NCKAP5: variants seen among roughly 807,000 people sequenced by gnomAD.
NCKAP5 encodes NCK associated protein 5.
Under a neutral mutation model 167.0 loss-of-function variants are expected in NCKAP5, and 92 were observed. The ratio of observed to expected loss-of-function variants is 0.55; its 90% CI spans 0.47 to 0.66. NCKAP5 has a LOEUF of 0.66. Ranked by LOEUF, NCKAP5 falls within the 30% of genes least tolerant of loss-of-function variation. The pLI is 0.00. For missense variants in NCKAP5, 2,378 were observed against 2,315.0 expected (o/e 1.03, Z -0.56); for synonymous variants, 891 against 877.4 (o/e 1.02, Z -0.27).
chr2:133,542,658 T>C (rs551403588), intron 2 of NCKAP5, among the ~76,000 whole-genome samples: 20 of 152,330 alleles, frequency 1.3e-4, no homozygotes, highest in Admixed American at 3.3e-4. Flanking sequence ...TGACATCTTT[T>C]ACACTGTGAT....
intron 6 of NCKAP5, among the ~76,000 whole-genome samples, chr2:133,106,662 A>G (rs1340873573): frequency 1.3e-5 from 2 of 152,204 alleles, no homozygotes; most frequent in Non-Finnish European, 1.5e-5. Flanking sequence ...GGAAGTGGTG[A>G]GGCAGAACTT....
At chr2:133,187,006 T>C (rs1053493800) in intron 5 of NCKAP5, among the ~76,000 whole-genome samples, 2 of 151,912 alleles carry the variant, frequency 1.3e-5, no homozygotes, top group Admixed American at 6.6e-5. Context: ...GCTTCGGGTT[T>C]GGTTTGTTCC....
chr2:133,398,243 C>A (rs1574879104), intron 3 of NCKAP5, among the ~76,000 whole-genome samples: 1 of 152,110 alleles, frequency 6.6e-6, no homozygotes, highest in East Asian at 1.9e-4. Flanking sequence ...ATAGGAGAAA[C>A]AAGAGATATG....
At chr2:133,304,492 A>G (rs1281698568) in intron 3 of NCKAP5, among the ~76,000 whole-genome samples, 1 of 152,258 alleles carries the variant, frequency 6.6e-6, no homozygotes, top group African/African-American at 2.4e-5. Context: ...ACCACTGGGA[A>G]TGTTAAAAAC....
intron 3 of NCKAP5, among the ~76,000 whole-genome samples, chr2:133,494,739 C>G (rs1251698150): frequency 6.6e-6 from 1 of 152,144 alleles, no homozygotes; most frequent in African/African-American, 2.4e-5. Context: ...ACACCCAGTT[C>G]CAGCCTAGCT....
At chr2:133,383,410 C>T (rs1292355314) in intron 3 of NCKAP5, among the ~76,000 whole-genome samples, 2 of 152,188 alleles carry the variant, frequency 1.3e-5, no homozygotes, top group Admixed American at 6.5e-5. Context: ...CTTTTTATGA[C>T]TGCATAGTAT....
chr2:133,146,420 A>G (rs1049988360), intron 5 of NCKAP5, among the ~76,000 whole-genome samples: 1 of 152,110 alleles, frequency 6.6e-6, no homozygotes, highest in Admixed American at 6.6e-5. Context: ...ATCAATTTTA[A>G]AAAGCACTAC....
rs569155595 is a variant in NCKAP5, at chr2:133,015,896, T to C, written c.342-21657A>G. Among the ~76,000 whole-genome samples the C allele has an allele frequency of 2.6e-5, 4 of 152,196 alleles. No individual in the cohort carries two copies. The South Asian group carries it at 6.2e-4, about 24-fold the overall frequency. On this transcript the variant is annotated intron_variant, in intron 6 of 19. Coordinates refer to ENST00000409261, the MANE Select transcript of NCKAP5 (RefSeq NM_207363.3). ...CAGAGCTTTTCCAGAACTGAAACTG[T>C]TGTGGTGAAGCCTGGAAAGGTAAGA...
chr2:133,097,297 T>C (rs1029488115), intron 6 of NCKAP5, among the ~76,000 whole-genome samples: 5 of 152,184 alleles, frequency 3.3e-5, no homozygotes, highest in Non-Finnish European at 5.9e-5. Flanking sequence ...AATAAACCTC[T>C]CTTTTTCAAA....
At chr2:133,532,184 T>C (rs1399555147) in intron 2 of NCKAP5, among the ~76,000 whole-genome samples, 1 of 152,254 alleles carries the variant, frequency 6.6e-6, no homozygotes, top group Non-Finnish European at 1.5e-5. Flanking sequence ...TAGTTTATTT[T>C]TAAATACTTT....
chr2:132,864,502 T>C (rs1001617343), intron 10 of NCKAP5, among the ~76,000 whole-genome samples: 1 of 152,162 alleles, frequency 6.6e-6, no homozygotes, highest in Non-Finnish European at 1.5e-5. Context: ...CTCCTGTGCA[T>C]CTTAATGATC....
intron 3 of NCKAP5, among the ~76,000 whole-genome samples, chr2:133,379,019 A>G (rs1686341533): frequency 1.3e-5 from 2 of 152,216 alleles, no homozygotes; most frequent in African/African-American, 4.8e-5. Context: ...TGCTCTCAAT[A>G]TCCAGATAAC....
At chr2:133,550,292 A>C (rs1186185153) in intron 2 of NCKAP5, among the ~76,000 whole-genome samples, 43 of 148,274 alleles carry the variant, frequency 2.9e-4, no homozygotes, top group African/African-American at 8.1e-4. Flanking sequence ...GAGACACAAC[A>C]AAAAAAGAGA....
chr2:132,789,125 C>G (rs916374675), intron 13 of NCKAP5, among the ~76,000 whole-genome samples: 4 of 152,062 alleles, frequency 2.6e-5, no homozygotes, highest in African/African-American at 4.8e-5. Flanking sequence ...TGGAAGAATT[C>G]CAGCCAAAAA....
intron 1 of NCKAP5, among the ~76,000 whole-genome samples, chr2:133,562,117 G>A (rs551390780): frequency 6.6e-6 from 1 of 151,368 alleles, no homozygotes; most frequent in East Asian, 1.9e-4. Context: ...AGAAACATAT[G>A]ATTTAGGAAT....
intron 3 of NCKAP5, among the ~76,000 whole-genome samples, chr2:133,308,383 C>T (rs928678691): frequency 4.6e-5 from 7 of 151,970 alleles, no homozygotes; most frequent in African/African-American, 1.2e-4. Context: ...CCACCGCGCC[C>T]GGCTATTGTT....
chr2:133,600,848 G>A, the NCKAP5 span, among the ~76,000 whole-genome samples: 1 of 152,332 alleles, frequency 6.6e-6, no homozygotes, highest in East Asian at 1.9e-4. Flanking sequence ...AGGGGTCACT[G>A]ATTTAGGCCT....
intron 5 of NCKAP5, among the ~76,000 whole-genome samples, chr2:133,205,158 T>C (rs2085887340): frequency 1.3e-5 from 2 of 151,928 alleles, no homozygotes; most frequent in South Asian, 4.2e-4. Context: ...CCAGGCATCG[T>C]GGTGTGTGCC....
intron 16 of NCKAP5, among the ~76,000 whole-genome samples, chr2:132,756,757 T>C (rs1293925505): frequency 6.6e-6 from 1 of 152,182 alleles, no homozygotes; most frequent in African/African-American, 2.4e-5. Flanking sequence ...ACACATTCAT[T>C]TGGAAGCAGG....
Sources: gnomAD v4.1 joint callset for allele counts (sites outside exome capture counted in the v4.1 genomes callset) on GRCh38, gnomAD v4.1.1 for gene constraint, MANE v1.5 for transcripts, NCBI Gene and HGNC (gene_info 2026-07-23, HGNC 2026-07-21) for gene names.